PRKRA: variants seen among roughly 807,000 people sequenced by gnomAD.
PRKRA encodes the protein protein activator of interferon induced protein kinase EIF2AK2.
Under a neutral mutation model 32.4 loss-of-function variants are expected in PRKRA, and 22 were observed. That is an observed-to-expected ratio of 0.68 (90% CI 0.49 to 0.97). The LOEUF (loss-of-function observed/expected upper bound fraction) is 0.97, where lower values mean the gene tolerates loss of function less well. Ranked by LOEUF, PRKRA falls within the 50% of genes least tolerant of loss-of-function variation. PRKRA has a pLI of 0.00. For synonymous variants in PRKRA, 139 were observed against 129.8 expected (o/e 1.07, Z -0.48); for missense variants, 319 against 375.6 (o/e 0.85, Z 1.25).
Position 178,432,099 on chromosome 2 carries a change from ACTTT to A in PRKRA, c.936_939del (p.Arg312SerfsTer7). 1 of 1,614,156 alleles carries A rather than the reference ACTTT, an allele frequency of 6.2e-7. No homozygotes were observed. Among genetic ancestry groups the A allele is most frequent in the Non-Finnish European group, 8.5e-7 (1 of 1,179,998 alleles). ...AGATTTTTTAAGTTGCTCCAGATTT[ACTTT>A]CTTTCTGCTATTATCTTTAAATACT... On this transcript the variant is annotated frameshift_variant, in exon 8 of 8. Transcript: ENST00000325748. LOFTEE classifies it high-confidence loss of function.
chr2:178,444,376 A>T (rs753641605), intron 4 of PRKRA, 46 bp downstream of exon 4: 2 of 1,448,110 alleles, frequency 1.4e-6, no homozygotes, highest in Non-Finnish European at 1.9e-6. Flanking sequence ...TGACATTACA[A>T]ACTTATTATA....
At chr2:178,447,049 T>C (rs895151363) in intron 3 of PRKRA, among the ~76,000 whole-genome samples, 14 of 145,542 alleles carry the variant, frequency 9.6e-5, no homozygotes, top group Non-Finnish European at 1.5e-4. Flanking sequence ...CAAGAATTAA[T>C]ATCCCACTTA....
At chr2:178,444,066 G>A (rs1019982306) in intron 4 of PRKRA, 4 of 194,408 alleles carry the variant, frequency 2.1e-5, no homozygotes, top group Non-Finnish European at 4.3e-5. Context: ...TAGGTTCACT[G>A]ATTTGATTTA....
At chr2:178,443,865 A>G (rs915908489) in intron 4 of PRKRA, 2 of 176,582 alleles carry the variant, frequency 1.1e-5, no homozygotes, top group Admixed American at 5.5e-5. Context: ...CTCACTGTGC[A>G]GGAAAAGGAG....
At chr2:178,450,575 C>A in intron 1 of PRKRA, 164 bp from the exon 2 acceptor site, 5 of 1,506,406 alleles carry the variant, frequency 3.3e-6, no homozygotes, top group East Asian at 2.3e-5. Context: ...TCTTCCGGCC[C>A]CGCTGCGGCA....
At chr2:178,435,600 A>G (rs545760918) in intron 7 of PRKRA, among the ~76,000 whole-genome samples, 1 of 152,328 alleles carries the variant, frequency 6.6e-6, no homozygotes, top group East Asian at 1.9e-4. Flanking sequence ...CAGAATCAGC[A>G]TACAGTGACA....
At chr2:178,450,558 G>A (rs930764800) in intron 1 of PRKRA, 147 bp from the exon 2 acceptor site, 5 of 1,533,562 alleles carry the variant, frequency 3.3e-6, no homozygotes, top group African/African-American at 2.7e-5. Flanking sequence ...AGGCTGGGGC[G>A]CACCTGTCTT....
chr2:178,437,513 T>C (rs1007958266), intron 6 of PRKRA, among the ~76,000 whole-genome samples: 5 of 152,268 alleles, frequency 3.3e-5, no homozygotes, highest in African/African-American at 1.2e-4. Flanking sequence ...TTAGGTTGTT[T>C]CTAGTTTCTT....
Position 178,443,622 on chromosome 2 carries a change from CCA to C in PRKRA, c.397-240_397-239del, listed in dbSNP as rs547688975. ...CTACGAATGGTGTTCTTGCATTAAA[CCA>C]CAGTGAGCTGGTATCAGACATCAAC... On this transcript the variant is annotated intron_variant, in intron 4 of 7. Transcript: ENST00000325748. 171 of 418,460 alleles carry C rather than the reference CCA, an allele frequency of 4.1e-4. 2 individuals carry two copies. Among genetic ancestry groups the C allele is most frequent in the African/African-American group, 3.2e-3 (156 of 49,384 alleles). 25.9% of individuals were successfully genotyped at this position (418,460 alleles called of 1,614,324 possible). A position where few individuals can be genotyped will look rare whatever the true frequency, so the allele number is the denominator to read the frequency against.
At chr2:178,441,803 CG>C (rs1559355752) in intron 5 of PRKRA, 99 bp from the exon 6 acceptor site, 1 of 1,003,328 alleles carries the variant, frequency 1.0e-6, no homozygotes, top group East Asian at 2.5e-5. Context: ...GAGAACCTCA[CG>C]GTTTTTATTA....
Position 178,450,475 on chromosome 2 carries a change from G to A in PRKRA, c.66-64C>T, listed in dbSNP as rs1697539164. On this transcript the variant is annotated intron_variant, in intron 1 of 7. Coordinates refer to ENST00000325748, the MANE Select transcript of PRKRA (RefSeq NM_003690.5). ...TTGGAGATTGAAGCAGAAGCGTAGAGGCCAGTTTTAACCGCCACCGACGGT... is the reference window on the plus strand; with the variant it reads ...TTGGAGATTGAAGCAGAAGCGTAGAAGCCAGTTTTAACCGCCACCGACGGT... 4 of 1,576,316 alleles carry A rather than the reference G, an allele frequency of 2.5e-6. No individual in the cohort carries two copies. In the East Asian group the frequency reaches 1.4e-4, roughly 55 times the overall value.
At chr2:178,439,504 G>A (rs1394377177) in intron 6 of PRKRA, 1 of 152,080 alleles carries the variant, frequency 6.6e-6, no homozygotes. Context: ...GTTTCTAGTA[G>A]TTTTTCTTTA....
Position 178,444,499 on chromosome 2 carries a change from A to C in PRKRA, c.319T>G (p.Phe107Val). The C allele has an allele frequency of 6.3e-7, 1 of 1,580,950 alleles. No homozygotes were observed. The highest frequency in any genetic ancestry group is 8.7e-7 in the Non-Finnish European group (1 of 1,149,880). Residue 107 changes from phenylalanine to valine, a missense_variant and splice_region_variant, in exon 4 of 8, where the codon TTT becomes GTT. By Grantham distance (50) the Phe-to-Val change is conservative (BLOSUM62 -1). Coordinates refer to ENST00000325748, the MANE Select transcript of PRKRA (RefSeq NM_003690.5). ...GGCATTAAGGGGTCAGGAACTGCAA[A>C]GCTAAATATTTTTTAAAAGTGTTAT... Reference protein sequence around the residue: ...NILKANASICFAVPDPLMPDP... With the variant: ...NILKANASICVAVPDPLMPDP...
Position 178,450,232 on chromosome 2 carries a change from G to GT in PRKRA, c.235+9dup. The GT allele has an allele frequency of 6.2e-7, 1 of 1,614,270 alleles. No individual in the cohort carries two copies. Among genetic ancestry groups the GT allele is most frequent in the African/African-American group, 1.3e-5 (1 of 75,066 alleles). On this transcript the variant is annotated intron_variant, in intron 2 of 7. Transcript: ENST00000325748. ...CCACTCGGTCATCCAGGTTAACTGT[G>GT]TATACAGACCTGTGCAGGTTATGTC...
chr2:178,434,115 C>CTT (rs764770659), intron 7 of PRKRA: 6 of 143,562 alleles, frequency 4.2e-5, no homozygotes, highest in Admixed American at 1.4e-4. Flanking sequence ...GCCACCTTTT[C>CTT]TTTTTTTTTT....
At position 178,431,921 on chromosome 2, in the gene PRKRA, C is replaced by G; in HGVS notation, c.*176G>C. 1 of 772,904 alleles carries G rather than the reference C, an allele frequency of 1.3e-6. No homozygotes were observed. The highest frequency in any genetic ancestry group is 2.1e-6 in the Non-Finnish European group (1 of 482,880). The allele number at this position is 772,904 out of a possible 1,614,324, so 47.9% of individuals were successfully genotyped here. A position where few individuals can be genotyped will look rare whatever the true frequency, so the allele number is the denominator to read the frequency against. ...ACAGTATACTGATACAAAGTTGAAG[C>G]CATTAAAAAGAGCTTAATAACAACT... On this transcript the variant is annotated 3_prime_UTR_variant, in exon 8 of 8. Coordinates refer to ENST00000325748, the MANE Select transcript of PRKRA (RefSeq NM_003690.5).
intron 1 of PRKRA, chr2:178,450,636 T>C: frequency 6.9e-7 from 1 of 1,447,752 alleles, no homozygotes; most frequent in Non-Finnish European, 9.0e-7. Context: ...AGAGAGCACT[T>C]GAATGCGGGT....
At chr2:178,447,448 A>C in intron 3 of PRKRA, 57 bp downstream of exon 3, 1 of 1,613,320 alleles carries the variant, frequency 6.2e-7, no homozygotes, top group Non-Finnish European at 8.5e-7. Context: ...TCAAATTTTT[A>C]ATCTTACCTC....
At chr2:178,433,456 T>A (rs1696752513) in intron 7 of PRKRA, 1 of 152,202 alleles carries the variant, frequency 6.6e-6, no homozygotes, top group South Asian at 2.1e-4. Context: ...TGAACTGTTT[T>A]ATATTCCCAC....
Sources: gnomAD v4.1 joint callset for allele counts (sites outside exome capture counted in the v4.1 genomes callset) on GRCh38, gnomAD v4.1.1 for gene constraint, MANE v1.5 for transcripts, NCBI Gene and HGNC (gene_info 2026-07-23, HGNC 2026-07-21) for gene names.